STARD13: variants seen among roughly 807,000 people sequenced by gnomAD.
The protein encoded by STARD13 is stAR-related lipid transfer protein 13.
In STARD13, 62 loss-of-function variants were observed where a neutral mutation model predicts 106.4. The ratio of observed to expected loss-of-function variants is 0.58; its 90% CI spans 0.48 to 0.72. The LOEUF (loss-of-function observed/expected upper bound fraction) is 0.72. Among genes scored for constraint, STARD13 ranks in the 30% least tolerant of loss-of-function variants. The pLI is 0.00. For synonymous variants in STARD13, 565 were observed against 553.0 expected (o/e 1.02, Z -0.31); for missense variants, 1,387 against 1,424.0 (o/e 0.97, Z 0.42).
upstream of STARD13, among the ~76,000 whole-genome samples, chr13:33,354,801 A>G (rs575918801): frequency 1.6e-4 from 25 of 151,896 alleles, no homozygotes; most frequent in African/African-American, 5.3e-4. Context: ...ATAGTTTTTT[A>G]AACACAAAAA....
chr13:33,304,593 A>T (rs1204073735), intron 1 of STARD13, among the ~76,000 whole-genome samples: 1 of 152,204 alleles, frequency 6.6e-6, no homozygotes, highest in East Asian at 1.9e-4. Flanking sequence ...ACTTTAATGC[A>T]TGAGTTTTAA....
the STARD13 span, among the ~76,000 whole-genome samples, chr13:33,634,466 A>T: frequency 1.3e-5 from 2 of 152,302 alleles, no homozygotes; most frequent in Admixed American, 1.3e-4. Context: ...TCAAAGTTTG[A>T]TTTACAAAAT....
chr13:33,140,199 C>T (rs1879630555), intron 4 of STARD13, among the ~76,000 whole-genome samples: 1 of 152,206 alleles, frequency 6.6e-6, no homozygotes, highest in Non-Finnish European at 1.5e-5. Context: ...GGGTAAAAAT[C>T]CAATCACTCC....
At chr13:33,502,816 G>T in the STARD13 span, among the ~76,000 whole-genome samples, 2 of 152,220 alleles carry the variant, frequency 1.3e-5, no homozygotes, top group Non-Finnish European at 2.9e-5. Flanking sequence ...TTGCTTCAAT[G>T]TTCATCAGGG....
At chr13:33,413,861 C>T in the STARD13 span, among the ~76,000 whole-genome samples, 16 of 151,742 alleles carry the variant, frequency 1.1e-4, no homozygotes, top group South Asian at 3.3e-3. Flanking sequence ...GTAAAACCCC[C>T]ATCTCTACCA....
At chr13:33,313,099 T>C (rs1893203656) in intron 1 of STARD13, among the ~76,000 whole-genome samples, 1 of 152,246 alleles carries the variant, frequency 6.6e-6, no homozygotes, top group Non-Finnish European at 1.5e-5. Flanking sequence ...CTGTAGATTG[T>C]TGGGGACACA....
At chr13:33,215,120 G>GT (rs1491143259) in intron 1 of STARD13, among the ~76,000 whole-genome samples, 1 of 36,832 alleles carries the variant, frequency 2.7e-5, no homozygotes, top group African/African-American at 1.5e-4. Context: ...ATGAGTACTT[G>GT]GGGGGGGGGG....
At chr13:33,346,536 T>C (rs2078018454), downstream of STARD13, among the ~76,000 whole-genome samples, 1 of 152,198 alleles carries the variant, frequency 6.6e-6, no homozygotes, top group South Asian at 2.1e-4. Context: ...AGGATTTCCT[T>C]CCTTGGGATG....
At chr13:33,665,702 G>A in the STARD13 span, among the ~76,000 whole-genome samples, 387 of 152,242 alleles carry the variant, frequency 2.5e-3, 1 homozygote, top group African/African-American at 8.9e-3. Flanking sequence ...CCAATAATGA[G>A]GTGAACTAAT....
the STARD13 span, among the ~76,000 whole-genome samples, chr13:33,446,998 A>G: frequency 4.3e-4 from 65 of 152,304 alleles, 1 homozygote; most frequent in East Asian, 4.8e-3. Context: ...CTTTCTGTGT[A>G]TATTTTATAC....
chr13:33,646,403 C>T, the STARD13 span, among the ~76,000 whole-genome samples: 11 of 152,246 alleles, frequency 7.2e-5, no homozygotes, highest in African/African-American at 1.7e-4. Flanking sequence ...AGGTAAGTGG[C>T]GGAGAGGACA....
intron 1 of STARD13, among the ~76,000 whole-genome samples, chr13:33,196,968 C>G (rs1886666205): frequency 6.6e-6 from 1 of 152,210 alleles, no homozygotes; most frequent in African/African-American, 2.4e-5. Context: ...GACAGTAGAA[C>G]TGCATGTAAC....
chr13:33,235,236 C>T (rs374412799), intron 1 of STARD13, among the ~76,000 whole-genome samples: 39 of 152,168 alleles, frequency 2.6e-4, no homozygotes, highest in African/African-American at 9.4e-4. Context: ...AACTACTAGT[C>T]CAAAGTAGTT....
the STARD13 span, among the ~76,000 whole-genome samples, chr13:33,445,966 C>T: frequency 6.6e-6 from 1 of 151,974 alleles, no homozygotes; most frequent in Non-Finnish European, 1.5e-5. Context: ...AATCAAACAT[C>T]CAAACTATAG....
chr13:33,530,400 T>C, the STARD13 span, among the ~76,000 whole-genome samples: 1 of 152,208 alleles, frequency 6.6e-6, no homozygotes, highest in Non-Finnish European at 1.5e-5. Flanking sequence ...TCTTTATCAC[T>C]GAGATGCATC....
At chr13:33,464,027 A>ATATATATATATATATATATC in the STARD13 span, among the ~76,000 whole-genome samples, 1 of 139,662 alleles carries the variant, frequency 7.2e-6, no homozygotes, top group Non-Finnish European at 1.6e-5. Context: ...AAAAATACAT[A>ATATATATATATATATATATC]TATATATATA....
chr13:33,372,997 C>T, the STARD13 span, among the ~76,000 whole-genome samples: 2 of 152,152 alleles, frequency 1.3e-5, no homozygotes, highest in Non-Finnish European at 2.9e-5. Flanking sequence ...ATCCTTACTT[C>T]TCTGAAAGTT....
At chr13:33,109,724 A>T (rs1254835507) in intron 12 of STARD13, 149 bp downstream of exon 12, 1 of 704,910 alleles carries the variant, frequency 1.4e-6, no homozygotes, top group African/African-American at 1.8e-5. Flanking sequence ...GACACAGAAA[A>T]CTCAGATGTC....
chr13:33,673,038 G>T, the STARD13 span, among the ~76,000 whole-genome samples: 7 of 152,280 alleles, frequency 4.6e-5, no homozygotes, highest in Admixed American at 1.3e-4. Context: ...AAAGACCCCA[G>T]TGGGGGACAA....
Sources: gnomAD v4.1 joint callset for allele counts (sites outside exome capture counted in the v4.1 genomes callset) on GRCh38, gnomAD v4.1.1 for gene constraint, MANE v1.5 for transcripts, NCBI Gene and HGNC (gene_info 2026-07-23, HGNC 2026-07-21) for gene names.